The following MYO9B variants were observed in gnomAD, a reference collection of about 807,000 sequenced individuals.
MYO9B encodes the protein unconventional myosin-IXb.
Under a neutral mutation model 229.5 loss-of-function variants are expected in MYO9B, and 71 were observed. The ratio of observed to expected loss-of-function variants is 0.31; its 90% CI spans 0.26 to 0.38. The LOEUF is 0.38. Among genes scored for constraint, MYO9B ranks in the 10% least tolerant of loss-of-function variants. The pLI, the probability that MYO9B is intolerant of heterozygous loss-of-function variation, is 1.00. For missense variants in MYO9B, 2,255 were observed against 2,920.5 expected (o/e 0.77, Z 5.25); for synonymous variants, 1,185 against 1,235.8 (o/e 0.96, Z 0.86).
chr19:17,172,942 G>C lies in MYO9B; in HGVS notation c.2119G>C (p.Glu707Gln). ...TCGGGAGGCCGGACGCCTGCGGGCCGAGAGGGCCGAAAAGGCTGCAGGTGG... is the reference window on the plus strand; with the variant it reads ...TCGGGAGGCCGGACGCCTGCGGGCCCAGAGGGCCGAAAAGGCTGCAGGTGG... ...VLREAGRLRA[E>Q]RAEKAAGMSS... Residue 707 changes from glutamate to glutamine, a missense_variant, in exon 13 of 40, where the codon GAG becomes CAG. Around this residue, in one of 7 missense-constraint regions of MYO9B, gnomAD observed 155 missense variants for 159.1 expected, o/e 0.97. Transcript: ENST00000682292. This position sits in a 1 kb window ranked among gnomAD's most constrained non-coding sequence, Gnocchi z 8.2. 1 of 1,598,360 alleles carries C rather than the reference G, an allele frequency of 6.3e-7. No individual in the cohort carries two copies. Among genetic ancestry groups the C allele is most frequent in the Non-Finnish European group, 8.5e-7 (1 of 1,179,498 alleles).
At chr19:17,103,966 G>A (rs746747677) in intron 2 of MYO9B, among the ~76,000 whole-genome samples, 9 of 151,072 alleles carry the variant, frequency 6.0e-5, no homozygotes, top group Non-Finnish European at 1.0e-4. Context: ...TGAGGCAGGA[G>A]AATCGCTTGA....
At chr19:17,183,623 A>C in intron 15 of MYO9B, 1 of 557,218 alleles carries the variant, frequency 1.8e-6, no homozygotes, top group Non-Finnish European at 3.2e-6. Context: ...AACCCAGGGA[A>C]ACTGGTGTCC....
chr19:17,131,953 C>G lies in MYO9B; in HGVS notation c.841-13444C>G, dbSNP rs564997607. Reference sequence around the variant, plus strand: ...AGAGTGTAATGGCACAATCATGGCTCACTGCAGCCTCAACCTCCTGGGCTC... The same window carrying G: ...AGAGTGTAATGGCACAATCATGGCTGACTGCAGCCTCAACCTCCTGGGCTC... On this transcript the variant is annotated intron_variant, in intron 2 of 39. Transcript: ENST00000682292. Among the ~76,000 whole-genome samples the G allele has an allele frequency of 8.5e-5, 13 of 152,168 alleles. No individual in the cohort carries two copies. In the East Asian group the frequency reaches 2.3e-3, roughly 27 times the overall value.
chr19:17,083,645 CTTTTTTTTT>C (rs5827358), intron 1 of MYO9B, among the ~76,000 whole-genome samples: 2 of 121,232 alleles, frequency 1.6e-5, no homozygotes, highest in African/African-American at 3.3e-5. Context: ...ATGCTGCCCT[CTTTTTTTTT>C]TTTTTTTTTG....
rs568720558 is a variant in MYO9B at position 17,089,278 on chromosome 19, A to C, written c.-58-12382A>C. Among the ~76,000 whole-genome samples, 10 of 152,298 alleles carry C rather than the reference A, an allele frequency of 6.6e-5. No individual in the cohort carries two copies. The East Asian group carries it at 1.3e-3, about 21-fold the overall frequency. The stretch of plus-strand genomic sequence containing the variant: ...GCCCATGAGCGTTTCTTCTAAAAAA[A>C]AAAAAAATCCTCAACAGGATCAGGG... On this transcript the variant is annotated intron_variant, in intron 1 of 39. Transcript: ENST00000682292.
intron 1 of MYO9B, among the ~76,000 whole-genome samples, chr19:17,083,093 T>C (rs1255375643): frequency 7.3e-6 from 1 of 137,802 alleles, no homozygotes; most frequent in African/African-American, 2.7e-5. Context: ...TGCAGAGGCA[T>C]GATCTTGGCT....
chr19:17,090,117 C>T (rs2057622666), intron 1 of MYO9B, among the ~76,000 whole-genome samples: 1 of 104,384 alleles, frequency 9.6e-6, no homozygotes, highest in South Asian at 3.0e-4. Context: ...GTGCTTCCTT[C>T]CTTTTTTTTT....
rs1318459959 is a variant in MYO9B at position 17,170,876 on chromosome 19, G to A, written c.1794-1460G>A. The stretch of plus-strand genomic sequence containing the variant: ...TAGAGACGGCAGTAGGAGGAGCTAC[G>A]TCATCACAACCAGGAAACTCCCAGG... On this transcript the variant is annotated intron_variant, in intron 11 of 39. Coordinates refer to ENST00000682292, the MANE Select transcript of MYO9B (RefSeq NM_004145.4). 4.0e-5 allele frequency among the ~76,000 whole-genome samples: 6 copies of A among 149,786 alleles called. No homozygotes were observed. In the East Asian group the frequency reaches 5.9e-4, roughly 15 times the overall value.
chr19:17,123,892 T>G (rs1268058899), intron 2 of MYO9B, among the ~76,000 whole-genome samples: 2 of 151,920 alleles, frequency 1.3e-5, no homozygotes, highest in Non-Finnish European at 2.9e-5. Flanking sequence ...CAAAAAATCA[T>G]TTTTCTTTTT....
At position 17,102,523 on chromosome 19, in the gene MYO9B, A is replaced by G; in HGVS notation, c.806A>G (p.Glu269Gly). The stretch of plus-strand genomic sequence containing the variant: ...CAGAAGGGCTACGCCAGCGGCGTCG[A>G]GAGGACCATCCTGGGTGCTGGCCCT... Reference protein sequence around the residue: ...LSQKGYASGVERTILGAGPVL... With the variant: ...LSQKGYASGVGRTILGAGPVL... Residue 269 changes from glutamate to glycine, a missense_variant, in exon 2 of 40, where the codon GAG becomes GGG. Coordinates refer to ENST00000682292, the MANE Select transcript of MYO9B (RefSeq NM_004145.4). The G allele has an allele frequency of 6.2e-7, 1 of 1,608,818 alleles. No homozygotes were observed. The highest frequency in any genetic ancestry group is 8.5e-7 in the Non-Finnish European group (1 of 1,177,586).
intron 2 of MYO9B, among the ~76,000 whole-genome samples, chr19:17,129,582 C>T (rs1376626632): frequency 1.3e-5 from 2 of 152,178 alleles, no homozygotes; most frequent in African/African-American, 2.4e-5. Flanking sequence ...GCCACGGACG[C>T]GTCAGCCTCC....
chr19:17,148,454 CTGG>C (rs2072440278), intron 3 of MYO9B, among the ~76,000 whole-genome samples: 1 of 152,222 alleles, frequency 6.6e-6, no homozygotes. Flanking sequence ...GTCCACAGGG[CTGG>C]TTCCTTCTGG....
At chr19:17,187,172 G>A (rs1241417187) in intron 18 of MYO9B, among the ~76,000 whole-genome samples, 1 of 152,164 alleles carries the variant, frequency 6.6e-6, no homozygotes, top group Admixed American at 6.5e-5. Context: ...ATCTCCCTGT[G>A]TCCCCATCAG....
At chr19:17,183,701 C>A (rs1045082265) in intron 15 of MYO9B, 128 bp from the exon 16 acceptor site, 7 of 737,982 alleles carry the variant, frequency 9.5e-6, no homozygotes, top group Non-Finnish European at 1.5e-5. Flanking sequence ...GTTGCACTTG[C>A]GCCTTCTCAC....
intron 1 of MYO9B, among the ~76,000 whole-genome samples, chr19:17,094,317 G>A (rs1600031083): frequency 6.6e-6 from 1 of 152,100 alleles, no homozygotes; most frequent in South Asian, 2.1e-4. Flanking sequence ...TTACAGGCGT[G>A]AGCCACCACG....
intron 2 of MYO9B, among the ~76,000 whole-genome samples, chr19:17,122,700 G>A (rs1365172560): frequency 6.6e-6 from 1 of 152,218 alleles, no homozygotes; most frequent in Non-Finnish European, 1.5e-5. Context: ...GACACAGACA[G>A]CCAATGACAG....
chr19:17,204,524 G>C (rs1302228285), intron 30 of MYO9B, among the ~76,000 whole-genome samples: 1 of 151,800 alleles, frequency 6.6e-6, no homozygotes, highest in Non-Finnish European at 1.5e-5. Context: ...TCAGGAGTCA[G>C]GGCACAGGTT....
intron 8 of MYO9B, among the ~76,000 whole-genome samples, chr19:17,161,059 C>T (rs770083369): frequency 2.6e-5 from 4 of 151,996 alleles, no homozygotes; most frequent in Admixed American, 1.3e-4. Flanking sequence ...CCTCGGCTCC[C>T]AGAGTACTGG....
intron 14 of MYO9B, among the ~76,000 whole-genome samples, chr19:17,176,052 CAG>C (rs1300916924): frequency 6.6e-6 from 1 of 150,382 alleles, no homozygotes; most frequent in African/African-American, 2.5e-5. Context: ...TGTTTTTAGA[CAG>C]AGTCTTGCTC....
Sources: allele counts gnomAD v4.1 joint callset (sites outside exome capture counted in the v4.1 genomes callset), GRCh38; gene constraint gnomAD v4.1.1; regional missense constraint gnomAD v4.1.1; non-coding constraint Gnocchi (gnomAD v3.1); transcripts MANE v1.5; gene names NCBI Gene and HGNC (gene_info 2026-07-23, HGNC 2026-07-21).